Variants in ANKRD11 observed in about 807,000 individuals in gnomAD.
The protein encoded by ANKRD11 is ankyrin repeat domain 11.
Under a neutral mutation model 195.7 loss-of-function variants are expected in ANKRD11, and 17 were observed. The ratio of observed to expected loss-of-function variants is 0.09; its 90% CI spans 0.06 to 0.13. The LOEUF (loss-of-function observed/expected upper bound fraction) is 0.13, where lower values mean the gene tolerates loss of function less well. Ranked by LOEUF, ANKRD11 falls within the 10% of genes least tolerant of loss-of-function variation. The pLI, the probability that ANKRD11 is intolerant of heterozygous loss-of-function variation, is 1.00. For missense variants in ANKRD11, 3,735 were observed against 3,566.1 expected (o/e 1.05, Z -1.21); for synonymous variants, 1,953 against 1,528.1 (o/e 1.28, Z -6.49).
At position 89,300,796 on chromosome 16, in the gene ANKRD11, C is replaced by T. The variant is rs572539626; in HGVS notation, c.226+4410G>A. ...ACTGCAGAGAGCACACCCCAGGCAC[C>T]AGAGACCAGGGTGTCATTCACAGGT... On this transcript the variant is annotated intron_variant, in intron 4 of 12. Coordinates refer to ENST00000301030, the MANE Select transcript of ANKRD11 (RefSeq NM_013275.6). 10 of 691,592 alleles carry T rather than the reference C, an allele frequency of 1.4e-5. No individual in the cohort carries two copies. In the African/African-American group the frequency reaches 1.8e-4, roughly 12 times the overall value. The allele number at this position is 691,592 out of a possible 1,614,324, so 42.8% of individuals were successfully genotyped here.
chr16:89,449,230 T>C (rs1012759939), intron 1 of ANKRD11, among the ~76,000 whole-genome samples: 1 of 150,294 alleles, frequency 6.7e-6, no homozygotes, highest in Non-Finnish European at 1.5e-5. Context: ...ATGAGGAATG[T>C]TGGTGCATGC....
chr16:89,328,153 A>G (rs2037834202), intron 2 of ANKRD11, among the ~76,000 whole-genome samples: 1 of 26,534 alleles, frequency 3.8e-5, no homozygotes, highest in Non-Finnish European at 9.8e-5. Flanking sequence ...CCGCAATGAG[A>G]TATTACTGCA....
intron 2 of ANKRD11, among the ~76,000 whole-genome samples, chr16:89,341,709 G>GAT (rs1168346971): frequency 6.6e-6 from 1 of 152,230 alleles, no homozygotes; most frequent in Non-Finnish European, 1.5e-5. Flanking sequence ...TCTGCATAAT[G>GAT]ATATACCTAC....
intron 2 of ANKRD11, among the ~76,000 whole-genome samples, chr16:89,357,905 T>C (rs967156602): frequency 3.3e-5 from 5 of 152,262 alleles, no homozygotes; most frequent in African/African-American, 4.8e-5. Flanking sequence ...CCTATTTTTA[T>C]TGAACACTGG....
intron 7 of ANKRD11, chr16:89,287,029 A>G: frequency 7.8e-7 from 1 of 1,289,680 alleles, no homozygotes; most frequent in Non-Finnish European, 1.0e-6. Context: ...TATGGTGACT[A>G]CACAAAACCT....
intron 2 of ANKRD11, among the ~76,000 whole-genome samples, chr16:89,407,131 A>C (rs1394981072): frequency 6.6e-6 from 1 of 151,946 alleles, no homozygotes; most frequent in African/African-American, 2.4e-5. Context: ...GGAGGCGGTG[A>C]GTTGAGACGT....
At chr16:89,422,192 T>C (rs891850646) in intron 1 of ANKRD11, 7 of 152,092 alleles carry the variant, frequency 4.6e-5, no homozygotes, top group African/African-American at 1.4e-4. Flanking sequence ...GCCAAACCTA[T>C]AATCCCAGAA....
At chr16:89,395,353 C>G (rs2041380324) in intron 2 of ANKRD11, among the ~76,000 whole-genome samples, 1 of 152,218 alleles carries the variant, frequency 6.6e-6, no homozygotes, top group African/African-American at 2.4e-5. Flanking sequence ...TGACGGCAAG[C>G]TGTTACATAA....
Position 89,311,944 on chromosome 16 carries a change from C to T in ANKRD11, c.87+4989G>A, listed in dbSNP as rs1341259512. On this transcript the variant is annotated intron_variant, in intron 3 of 12. Coordinates refer to ENST00000301030, the MANE Select transcript of ANKRD11 (RefSeq NM_013275.6). ...ACAGATTCTCACTCTGTCACCCAGGCTGGAGTGCGGTGATGCGATCTCAGC... is the reference window on the plus strand; with the variant it reads ...ACAGATTCTCACTCTGTCACCCAGGTTGGAGTGCGGTGATGCGATCTCAGC... Among the ~76,000 whole-genome samples the T allele has an allele frequency of 2.0e-5, 3 of 152,214 alleles. No homozygotes were observed. The East Asian group carries it at 5.8e-4, about 29-fold the overall frequency.
At chr16:89,307,169 C>T (rs1311203950) in intron 3 of ANKRD11, among the ~76,000 whole-genome samples, 1 of 152,192 alleles carries the variant, frequency 6.6e-6, no homozygotes, top group Admixed American at 6.5e-5. Flanking sequence ...AGGTAAGCTG[C>T]CGGCAAATAC....
intron 2 of ANKRD11, among the ~76,000 whole-genome samples, chr16:89,367,744 C>A (rs961833358): frequency 6.6e-6 from 1 of 152,218 alleles, no homozygotes; most frequent in African/African-American, 2.4e-5. Context: ...TCCTGACTAC[C>A]CCCAGCGGCT....
At chr16:89,333,750 G>A (rs2038188013) in intron 2 of ANKRD11, among the ~76,000 whole-genome samples, 1 of 152,178 alleles carries the variant, frequency 6.6e-6, no homozygotes, top group Admixed American at 6.5e-5. Context: ...CATCTTGGCT[G>A]CTTCCAAGTT....
At chr16:89,296,802 G>A (rs1179294768) in intron 4 of ANKRD11, among the ~76,000 whole-genome samples, 5 of 152,212 alleles carry the variant, frequency 3.3e-5, no homozygotes, top group African/African-American at 1.2e-4. Flanking sequence ...TTGCTGTGGT[G>A]GGGGCCCCAG....
Position 89,280,509 on chromosome 16 carries a change from C to G in ANKRD11, c.6033G>C (p.Ser2011=). ...CGGGAGGGGCGGGGTACGGCGCCTC[C>G]GAGGCGCTGAAGGGCCCTGGGGCGG... ...HSAAPGPFSA[S]EAPYPAPPAS... is the part of the protein sequence containing the mutation. Residue 2011 remains serine, a synonymous_variant, in exon 9 of 13, where the codon TCG becomes TCC. Transcript: ENST00000301030. 6.2e-7 allele frequency: 1 copy of G among 1,606,110 alleles called. No individual in the cohort carries two copies.
chr16:89,397,094 G>T (rs1320547943), intron 2 of ANKRD11, among the ~76,000 whole-genome samples: 1 of 152,068 alleles, frequency 6.6e-6, no homozygotes, highest in Non-Finnish European at 1.5e-5. Context: ...ATTGGAATTG[G>T]TATACAGACA....
chr16:89,326,772 A>C (rs921729838), intron 2 of ANKRD11, among the ~76,000 whole-genome samples: 2 of 152,080 alleles, frequency 1.3e-5, no homozygotes, highest in Non-Finnish European at 2.9e-5. Context: ...CCAAAAAAAC[A>C]CAACCGGGGC....
At chr16:89,446,787 A>C (rs2043813353) in intron 1 of ANKRD11, among the ~76,000 whole-genome samples, 2 of 152,094 alleles carry the variant, frequency 1.3e-5, no homozygotes, top group East Asian at 3.9e-4. Flanking sequence ...GGCCCTTCTC[A>C]CACACAGCCT....
At chr16:89,287,071 G>C in intron 7 of ANKRD11, 2 of 1,289,864 alleles carry the variant, frequency 1.6e-6, no homozygotes, top group Non-Finnish European at 2.0e-6. Context: ...CAGAGGTCAA[G>C]GTGCTGGCAG....
At chr16:89,315,093 C>T (rs775307224) in intron 3 of ANKRD11, among the ~76,000 whole-genome samples, 11 of 152,194 alleles carry the variant, frequency 7.2e-5, no homozygotes, top group Non-Finnish European at 1.3e-4. Flanking sequence ...ACACAGCTCA[C>T]GCCTCCACAC....
Sources: allele counts gnomAD v4.1 joint callset (sites outside exome capture counted in the v4.1 genomes callset), GRCh38; gene constraint gnomAD v4.1.1; transcripts MANE v1.5; gene names NCBI Gene and HGNC (gene_info 2026-07-23, HGNC 2026-07-21).